The following KLF6 variants were observed in gnomAD, a reference collection of about 807,000 sequenced individuals.
The protein encoded by KLF6 is Krueppel-like factor 6.
For missense variants in KLF6, 233 were observed against 359.8 expected (o/e 0.65, Z 2.85); for synonymous variants, 152 against 147.9 (o/e 1.03, Z -0.20).
At chr10:3,779,944 C>G (rs563416949) in intron 3 of KLF6, among the ~76,000 whole-genome samples, 162 bp downstream of exon 3, 49 of 152,374 alleles carry the variant, frequency 3.2e-4, no homozygotes, top group African/African-American at 1.1e-3. Context: ...GGACAATGAG[C>G]ACACCAGAAA....
chr10:3,779,700 A>T, intron 3 of KLF6, 110 bp from the exon 4 acceptor site: 1 of 974,366 alleles, frequency 1.0e-6, no homozygotes, highest in Non-Finnish European at 1.6e-6. Flanking sequence ...CCCTGCAGGG[A>T]AAGGTGGGAT....
In KLF6 at chr10:3,782,426, G is replaced by A. The variant is rs754618749; in HGVS notation, c.103-212C>T. Among the ~76,000 whole-genome samples the A allele has an allele frequency of 1.3e-5, 2 of 152,230 alleles. No homozygotes were observed. Among genetic ancestry groups the A allele is most frequent in the Non-Finnish European group, 1.5e-5 (1 of 68,042 alleles). On this transcript the variant is annotated intron_variant, in intron 1 of 3. Transcript: ENST00000497571. This position sits in a 1 kb window ranked among gnomAD's most constrained non-coding sequence, Gnocchi z 4.3. ...ATGGTAAGAATTCAGAGGAAAAGTC[G>A]GAGGGTGAAACCTCTCCTGGCTTTC...
At chr10:3,779,940 T>C (rs1299263312) in intron 3 of KLF6, among the ~76,000 whole-genome samples, 166 bp downstream of exon 3, 1 of 152,218 alleles carries the variant, frequency 6.6e-6, no homozygotes, top group Non-Finnish European at 1.5e-5. Context: ...CCATGGACAA[T>C]GAGCACACCA....
rs1051313088 is a variant in KLF6, at chr10:3,777,500, C to T, written c.*2039G>A. 1.9e-6 allele frequency: 1 copy of T among 512,836 alleles called. No individual in the cohort carries two copies. Among genetic ancestry groups the T allele is most frequent in the Non-Finnish European group, 3.8e-6 (1 of 262,586 alleles). The allele number at this position is 512,836 out of a possible 1,614,324, so 31.8% of individuals were successfully genotyped here. On this transcript the variant is annotated 3_prime_UTR_variant, in exon 4 of 4. Coordinates refer to ENST00000497571, the MANE Select transcript of KLF6 (RefSeq NM_001300.6). ...GGGTTCCAGCATTCTGTTCAGGCCA[C>T]TTCTGAACGGCCGAAGGTGCCCCAT...
At position 3,785,192 on chromosome 10, in the gene KLF6, A is replaced by T; in HGVS notation, c.-178T>A. The stretch of plus-strand genomic sequence containing the variant: ...CGCGCGGAGCCCACACAATATTTGC[A>T]AACACCGGACTGACTGCAAACGTAA... On this transcript the variant is annotated 5_prime_UTR_variant, in exon 1 of 4. Coordinates refer to ENST00000497571, the MANE Select transcript of KLF6 (RefSeq NM_001300.6). The T allele has an allele frequency of 7.5e-7, 1 of 1,331,088 alleles. No individual in the cohort carries two copies. The highest frequency in any genetic ancestry group is 1.0e-6 in the Non-Finnish European group (1 of 963,576). The allele number at this position is 1,331,088 out of a possible 1,614,324, so 82.5% of individuals were successfully genotyped here.
In KLF6 at chr10:3,780,240, A is replaced by C. The variant is rs1321794159; in HGVS notation, c.677-11T>G. On this transcript the variant is annotated splice_polypyrimidine_tract_variant and intron_variant, in intron 2 of 3. Transcript: ENST00000497571. The surrounding 1 kb of genome is among the most constrained non-coding windows in gnomAD (Gnocchi z 4.6). Reference sequence around the variant, plus strand: ...TGTAAGGCTTTTCTCCTGGGGAGAGAGCACAGGACAAGCAGCCCATGACTT... The same window carrying C: ...TGTAAGGCTTTTCTCCTGGGGAGAGCGCACAGGACAAGCAGCCCATGACTT... The C allele has an allele frequency of 1.9e-6, 3 of 1,613,448 alleles. No homozygotes were observed. The highest frequency in any genetic ancestry group is 3.3e-5 in the Admixed American group (2 of 60,028).
Position 3,781,634 on chromosome 10 carries a change from C to A in KLF6, c.676+7G>T. On this transcript the variant is annotated splice_region_variant and intron_variant, in intron 2 of 3. Transcript: ENST00000497571. This position sits in a 1 kb window ranked among gnomAD's most constrained non-coding sequence, Gnocchi z 5.8. ...GGCCGCCCTCCGGGGCCCGCGTGGG[C>A]ACTGACCTGTGTGCGTCCGCTGGTG... 1 of 1,612,752 alleles carries A rather than the reference C, an allele frequency of 6.2e-7. No homozygotes were observed. The highest frequency in any genetic ancestry group is 1.1e-5 in the South Asian group (1 of 90,982).
chr10:3,779,460 TG>T lies in KLF6; in HGVS notation c.*78del, dbSNP rs1195795453. The stretch of plus-strand genomic sequence containing the variant: ...AGGGTGCAGAACGGCATGCTTTGGC[TG>T]GAACACGCATCCCTCCTTCCACGGC... On this transcript the variant is annotated 3_prime_UTR_variant, in exon 4 of 4. Transcript: ENST00000497571. 1.6e-6 allele frequency: 2 copies of T among 1,250,664 alleles called. No homozygotes were observed. Among genetic ancestry groups the T allele is most frequent in the African/African-American group, 1.5e-5 (1 of 67,894 alleles). 77.5% of individuals were successfully genotyped at this position (1,250,664 alleles called of 1,614,324 possible).
chr10:3,784,638 C>T (rs1015610092), intron 1 of KLF6, among the ~76,000 whole-genome samples: 1 of 151,958 alleles, frequency 6.6e-6, no homozygotes, highest in African/African-American at 2.4e-5. Context: ...GCAAGTTGGT[C>T]CCCATGACAA....
Position 3,781,808 on chromosome 10 carries a change from G to C in KLF6, c.509C>G (p.Pro170Arg). The change falls in exon 2 of 4, where the codon CCC (proline) becomes CGC (arginine). Residue 170 changes from proline to arginine, a missense_variant. Coordinates refer to ENST00000497571, the MANE Select transcript of KLF6 (RefSeq NM_001300.6). The surrounding 1 kb of genome is among the most constrained non-coding windows in gnomAD (Gnocchi z 5.8). ...CCCGCTGCGCACCTTCCCTGGCGAGGGCAGCTCCCCGGGCACGCAACCCCA... is the reference window on the plus strand; with the variant it reads ...CCCGCTGCGCACCTTCCCTGGCGAGCGCAGCTCCCCGGGCACGCAACCCCA... Reference protein sequence around the residue: ...QLWGCVPGELPSPGKVRSGTS... With the variant: ...QLWGCVPGELRSPGKVRSGTS... 1 of 1,614,208 alleles carries C rather than the reference G, an allele frequency of 6.2e-7. No homozygotes were observed. The highest frequency in any genetic ancestry group is 8.5e-7 in the Non-Finnish European group (1 of 1,180,038).
intron 3 of KLF6, 149 bp from the exon 4 acceptor site, chr10:3,779,739 A>G: frequency 1.3e-6 from 1 of 747,594 alleles, no homozygotes; most frequent in Non-Finnish European, 2.4e-6. Flanking sequence ...CAGTGTCTTC[A>G]GGGACAGGAG....
In KLF6 at chr10:3,780,439, A is replaced by T; in HGVS notation, c.677-210T>A. On this transcript the variant is annotated intron_variant, in intron 2 of 3. Coordinates refer to ENST00000497571, the MANE Select transcript of KLF6 (RefSeq NM_001300.6). The surrounding 1 kb of genome is among the most constrained non-coding windows in gnomAD (Gnocchi z 4.6). The stretch of plus-strand genomic sequence containing the variant: ...GGCCTCCCACTGCTGTCCAAGGGAC[A>T]CAGCTTCAGCCAAGCCCATGGTGCT... 1 of 640,452 alleles carries T rather than the reference A, an allele frequency of 1.6e-6. No individual in the cohort carries two copies. Among genetic ancestry groups the T allele is most frequent in the Non-Finnish European group, 2.8e-6 (1 of 353,296 alleles). The allele number at this position is 640,452 out of a possible 1,614,324, so 39.7% of individuals were successfully genotyped here. A position where few individuals can be genotyped will look rare whatever the true frequency, so the allele number is the denominator to read the frequency against.
Position 3,778,071 on chromosome 10 carries a change from A to C in KLF6, c.*1468T>G, listed in dbSNP as rs1832433913. On this transcript the variant is annotated 3_prime_UTR_variant, in exon 4 of 4. Coordinates refer to ENST00000497571, the MANE Select transcript of KLF6 (RefSeq NM_001300.6). Reference sequence around the variant, plus strand: ...AGATTTTTCCATTTTCCTGTTTTCCATTTTAACACTGACAGTCAAGTTGCC... The same window carrying C: ...AGATTTTTCCATTTTCCTGTTTTCCCTTTTAACACTGACAGTCAAGTTGCC... 1 of 514,964 alleles carries C rather than the reference A, an allele frequency of 1.9e-6. No homozygotes were observed. The highest frequency in any genetic ancestry group is 1.5e-5 in the South Asian group (1 of 65,020). The allele number at this position is 514,964 out of a possible 1,614,324, so 31.9% of individuals were successfully genotyped here.
intron 3 of KLF6, 103 bp from the exon 4 acceptor site, chr10:3,779,693 T>C (rs1430546419): frequency 2.9e-6 from 3 of 1,049,598 alleles, no homozygotes; most frequent in Non-Finnish European, 2.9e-6. Context: ...CCTAACCCCC[T>C]GCAGGGAAAG....
Position 3,780,449 on chromosome 10 carries a change from C to T in KLF6, c.677-220G>A. The T allele has an allele frequency of 1.6e-6, 1 of 620,918 alleles. No homozygotes were observed. The highest frequency in any genetic ancestry group is 2.9e-6 in the Non-Finnish European group (1 of 342,278). 38.5% of individuals were successfully genotyped at this position (620,918 alleles called of 1,614,324 possible). ...TGCTGTCCAAGGGACACAGCTTCAG[C>T]CAAGCCCATGGTGCTGTCATCAAAG... On this transcript the variant is annotated intron_variant, in intron 2 of 3. Coordinates refer to ENST00000497571, the MANE Select transcript of KLF6 (RefSeq NM_001300.6). This position sits in a 1 kb window ranked among gnomAD's most constrained non-coding sequence, Gnocchi z 4.6.
intron 1 of KLF6, among the ~76,000 whole-genome samples, chr10:3,784,636 G>C (rs769462704): frequency 6.6e-6 from 1 of 152,164 alleles, no homozygotes; most frequent in Non-Finnish European, 1.5e-5. Flanking sequence ...GAGCAAGTTG[G>C]TCCCCATGAC....
Position 3,778,261 on chromosome 10 carries a change from A to AC in KLF6, c.*1277dup. On this transcript the variant is annotated 3_prime_UTR_variant, in exon 4 of 4. Transcript: ENST00000497571. The stretch of plus-strand genomic sequence containing the variant: ...TGCATCGCCCACACCCCTGTATGAG[A>AC]CCCCCACAGAAGGGATCGCTTGCGT... 1 of 527,386 alleles carries AC rather than the reference A, an allele frequency of 1.9e-6. No homozygotes were observed. Among genetic ancestry groups the AC allele is most frequent in the Non-Finnish European group, 3.7e-6 (1 of 272,042 alleles). 32.7% of individuals were successfully genotyped at this position (527,386 alleles called of 1,614,324 possible).
At position 3,780,490 on chromosome 10, in the gene KLF6, G is replaced by C; in HGVS notation, c.677-261C>G. The C allele has an allele frequency of 1.9e-6, 1 of 532,036 alleles. No individual in the cohort carries two copies. 33.0% of individuals were successfully genotyped at this position (532,036 alleles called of 1,614,324 possible). A position where few individuals can be genotyped will look rare whatever the true frequency, so the allele number is the denominator to read the frequency against. ...GTCATCAAAGTTAACGTGGAAGAACGACCACGACTCAGACCAGCAAAATGC... is the reference window on the plus strand; with the variant it reads ...GTCATCAAAGTTAACGTGGAAGAACCACCACGACTCAGACCAGCAAAATGC... On this transcript the variant is annotated intron_variant, in intron 2 of 3. Coordinates refer to ENST00000497571, the MANE Select transcript of KLF6 (RefSeq NM_001300.6). This position sits in a 1 kb window ranked among gnomAD's most constrained non-coding sequence, Gnocchi z 4.6.
chr10:3,782,114 A>C lies in KLF6; in HGVS notation c.203T>G (p.Ile68Ser). 1.2e-6 allele frequency: 2 copies of C among 1,614,154 alleles called. No homozygotes were observed. The highest frequency in any genetic ancestry group is 8.5e-7 in the Non-Finnish European group (1 of 1,180,012). Residue 68 changes from isoleucine to serine, a missense_variant, in exon 2 of 4, where the codon ATT (isoleucine) becomes AGT (serine). Coordinates refer to ENST00000497571, the MANE Select transcript of KLF6 (RefSeq NM_001300.6). The surrounding 1 kb of genome is among the most constrained non-coding windows in gnomAD (Gnocchi z 4.3). ...DSQEDLWTKI[I>S]LAREKKEESE... ...TTCCTCCTTTTTCTCCCGAGCCAGA[A>C]TGATTTTGGTCCACAGATCTTCCTG... is the stretch of plus-strand genomic sequence containing the variant.
Sources: gnomAD v4.1 joint callset for allele counts (sites outside exome capture counted in the v4.1 genomes callset) on GRCh38, gnomAD v4.1.1 for gene constraint, Gnocchi (gnomAD v3.1) non-coding constraint, MANE v1.5 for transcripts, NCBI Gene and HGNC (gene_info 2026-07-23, HGNC 2026-07-21) for gene names.